SIMC1: variants seen among roughly 807,000 people sequenced by gnomAD.
The protein encoded by SIMC1 is SUMO-interacting motif-containing protein 1.
Under a neutral mutation model 82.3 loss-of-function variants are expected in SIMC1, and 55 were observed. That is an observed-to-expected ratio of 0.67 (90% CI 0.54 to 0.84). The LOEUF is 0.84. Among genes scored for constraint, SIMC1 ranks in the 40% least tolerant of loss-of-function variants. The pLI is 0.00. For synonymous variants in SIMC1, 353 were observed against 426.3 expected, an observed-to-expected ratio of 0.83 and a Z score of 2.12; for missense variants, 915 against 1,107.2, an observed-to-expected ratio of 0.83 and a Z score of 2.46.
intron 9 of SIMC1, among the ~76,000 whole-genome samples, chr5:176,338,200 C>A (rs1259709438): frequency 6.6e-6 from 1 of 152,134 alleles, no homozygotes; most frequent in African/African-American, 2.4e-5. Flanking sequence ...AATAACTGAC[C>A]TGTACTTTTT....
chr5:176,335,295 T>TTTTTTTTG (rs1345161805), intron 7 of SIMC1, among the ~76,000 whole-genome samples: 1 of 146,858 alleles, frequency 6.8e-6, no homozygotes, highest in Non-Finnish European at 1.5e-5. Context: ...TTTTTTTTTT[T>TTTTTTTTG]AGATTGAGTC....
intron 4 of SIMC1, among the ~76,000 whole-genome samples, chr5:176,311,281 A>G (rs1348899839): frequency 6.6e-6 from 1 of 152,206 alleles, no homozygotes; most frequent in Admixed American, 6.6e-5. Context: ...TCTGTCACCC[A>G]GGCTGGAGTG....
chr5:176,313,915 G>C (rs1399531211), intron 5 of SIMC1, 70 bp downstream of exon 5: 24 of 1,591,804 alleles, frequency 1.5e-5, no homozygotes, highest in Non-Finnish European at 1.7e-5. Context: ...CTGAAGGCCA[G>C]AATATCAGCC....
intron 7 of SIMC1, among the ~76,000 whole-genome samples, chr5:176,329,363 C>T (rs935135594): frequency 7.9e-5 from 12 of 151,854 alleles, no homozygotes; most frequent in African/African-American, 2.7e-4. Flanking sequence ...CCCAGCTACT[C>T]GGGAGGCTGA....
chr5:176,344,794 C>A (rs1462017024), intron 9 of SIMC1, among the ~76,000 whole-genome samples: 4 of 152,198 alleles, frequency 2.6e-5, no homozygotes, highest in African/African-American at 4.8e-5. Context: ...CCACCTCCAA[C>A]ATCAGGGATT....
chr5:176,345,019 C>T (rs1020996347), intron 9 of SIMC1, among the ~76,000 whole-genome samples, 164 bp from the exon 10 acceptor site: 2 of 152,076 alleles, frequency 1.3e-5, no homozygotes, highest in East Asian at 3.9e-4. Flanking sequence ...GAACAAAGGG[C>T]CTTTTGGAAG....
intron 9 of SIMC1, among the ~76,000 whole-genome samples, chr5:176,342,385 G>A (rs529851273): frequency 3.3e-5 from 5 of 152,118 alleles, no homozygotes; most frequent in African/African-American, 1.2e-4. Flanking sequence ...TTATTACTCT[G>A]ATTTTTTTAA....
chr5:176,336,773 A>T lies in SIMC1; in HGVS notation c.2225A>T (p.Glu742Val). 1 of 1,613,986 alleles carries T rather than the reference A, an allele frequency of 6.2e-7. No homozygotes were observed. Among genetic ancestry groups the T allele is most frequent in the South Asian group, 1.1e-5 (1 of 91,080 alleles). ...CACCTTCTGCGCTGCAAAGTGTTAGAAATCATATTCCTCCACAGCTGTGAG... is the reference window on the plus strand; with the variant it reads ...CACCTTCTGCGCTGCAAAGTGTTAGTAATCATATTCCTCCACAGCTGTGAG... Reference protein sequence around the residue: ...ESHLLRCKVLEIIFLHSCETP... With the variant: ...ESHLLRCKVLVIIFLHSCETP... The change falls in exon 8 of 10, where the codon GAA (glutamate) becomes GTA (valine). Residue 742 changes from glutamate to valine, a missense_variant. Glu to Val is a moderately radical substitution (Grantham distance 121, BLOSUM62 -2). Transcript: ENST00000429602.
At position 176,308,976 on chromosome 5, in the gene SIMC1, A is replaced by T. The variant is rs1764543747; in HGVS notation, c.1735-4715A>T. 3.3e-6 allele frequency: 3 copies of T among 909,748 alleles called. No homozygotes were observed. In the Admixed American group the frequency reaches 5.1e-5, roughly 15 times the overall value. The allele number at this position is 909,748 out of a possible 1,614,324, so 56.4% of individuals were successfully genotyped here. The stretch of plus-strand genomic sequence containing the variant: ...CATTTGCAGGAATTGCAACAAGAAA[A>T]GGAAGAGCTTATGCAAGAACTTTCT... On this transcript the variant is annotated intron_variant, in intron 4 of 9. Coordinates refer to ENST00000429602, the MANE Select transcript of SIMC1 (RefSeq NM_001308195.2).
chr5:176,316,377 G>T (rs553142229), intron 5 of SIMC1, among the ~76,000 whole-genome samples: 1 of 151,344 alleles, frequency 6.6e-6, no homozygotes, highest in Admixed American at 6.6e-5. Context: ...TTAAAGATAG[G>T]CATTTAAGGC....
intron 1 of SIMC1, among the ~76,000 whole-genome samples, chr5:176,242,191 T>C (rs1761298597): frequency 6.6e-6 from 1 of 152,088 alleles, no homozygotes; most frequent in Non-Finnish European, 1.5e-5. Flanking sequence ...AGCAGATGTC[T>C]GTGGTAGTAG....
intron 1 of SIMC1, among the ~76,000 whole-genome samples, chr5:176,288,701 C>T (rs958538461): frequency 6.6e-6 from 1 of 152,148 alleles, no homozygotes; most frequent in Non-Finnish European, 1.5e-5. Flanking sequence ...TGCTTTGGTG[C>T]TGTTAACAAT....
chr5:176,326,382 GT>G (rs796103599), intron 7 of SIMC1, among the ~76,000 whole-genome samples: 13 of 148,306 alleles, frequency 8.8e-5, no homozygotes, highest in Admixed American at 2.7e-4. Context: ...TTTGTTTTCT[GT>G]TTTTTTTTTC....
intron 7 of SIMC1, among the ~76,000 whole-genome samples, chr5:176,335,420 G>A (rs901548611): frequency 3.3e-5 from 5 of 151,264 alleles, no homozygotes; most frequent in African/African-American, 1.2e-4. Flanking sequence ...GGGACTACAG[G>A]TGCACACCAC....
intron 6 of SIMC1, 172 bp downstream of exon 6, chr5:176,322,597 GAAC>G (rs1035722836): frequency 1.2e-6 from 1 of 818,362 alleles, no homozygotes; most frequent in African/African-American, 1.7e-5. Context: ...TTCAAAGGCA[GAAC>G]AAAACCAGGT....
chr5:176,242,485 T>A (rs1381244059), intron 1 of SIMC1, among the ~76,000 whole-genome samples: 1 of 132,202 alleles, frequency 7.6e-6, no homozygotes, highest in African/African-American at 4.4e-5. Context: ...ATTCAGGACA[T>A]ATCTTTTTCT....
chr5:176,241,057 A>C (rs1395798742), intron 1 of SIMC1, among the ~76,000 whole-genome samples: 1 of 75,178 alleles, frequency 1.3e-5, no homozygotes, highest in Admixed American at 1.3e-4. Context: ...TGAGAAAGCC[A>C]TGTCTAATGC....
chr5:176,305,649 C>G (rs1764310382), intron 4 of SIMC1, among the ~76,000 whole-genome samples: 1 of 127,848 alleles, frequency 7.8e-6, no homozygotes, highest in African/African-American at 3.1e-5. Context: ...CCCGGCTGCC[C>G]CTACTGGGAA....
intron 4 of SIMC1, among the ~76,000 whole-genome samples, chr5:176,299,688 A>T (rs1763960402): frequency 6.6e-6 from 1 of 152,210 alleles, no homozygotes; most frequent in African/African-American, 2.4e-5. Flanking sequence ...ATAGTAGGAG[A>T]TTCAGTACCC....
Sources: allele counts gnomAD v4.1 joint callset (sites outside exome capture counted in the v4.1 genomes callset), GRCh38; gene constraint gnomAD v4.1.1; transcripts MANE v1.5; gene names NCBI Gene and HGNC (gene_info 2026-07-23, HGNC 2026-07-21).